PDE8A: variants seen among roughly 807,000 people sequenced by gnomAD.
The protein encoded by PDE8A is high affinity cAMP-specific and IBMX-insensitive 3',5'-cyclic phosphodiesterase 8A.
PDE8A carries 59 observed loss-of-function variants against 105.0 expected under a neutral mutation model. That is an observed-to-expected ratio of 0.56 (90% CI 0.46 to 0.70). PDE8A has a LOEUF of 0.70. Ranked by LOEUF, PDE8A falls within the 30% of genes least tolerant of loss-of-function variation. The pLI, the probability that PDE8A is intolerant of heterozygous loss-of-function variation, is 0.00. For missense variants in PDE8A, 1,014 were observed against 1,045.9 expected (o/e 0.97, Z 0.42); for synonymous variants, 355 against 371.9 (o/e 0.95, Z 0.52).
At chr15:85,021,189 A>C (rs1461593761) in intron 1 of PDE8A, among the ~76,000 whole-genome samples, 1 of 152,180 alleles carries the variant, frequency 6.6e-6, no homozygotes, top group East Asian at 1.9e-4. Flanking sequence ...GTAGGCCCTC[A>C]CCAGACACTG....
chr15:85,126,319 C>A lies in PDE8A; in HGVS notation c.2198C>A (p.Pro733His). 6.2e-7 allele frequency: 1 copy of A among 1,611,916 alleles called. No individual in the cohort carries two copies. Among genetic ancestry groups the A allele is most frequent in the Non-Finnish European group, 8.5e-7 (1 of 1,179,028 alleles). The change falls in exon 20 of 22, where the codon CCC becomes CAC. Residue 733 changes from proline (P) to histidine (H), a missense_variant. By Grantham distance (77) the Pro-to-His change is moderately conservative. Coordinates refer to ENST00000394553, the MANE Select transcript of PDE8A (RefSeq NM_002605.3). ...KCADVSNPCR[P>H]LQYCIEWAAR... Reference sequence around the variant, plus strand: ...GCTGATGTGTCCAATCCCTGCCGACCCCTGCAGTACTGCATCGAGTGGGCT... The same window carrying A: ...GCTGATGTGTCCAATCCCTGCCGACACCTGCAGTACTGCATCGAGTGGGCT...
At chr15:84,991,933 A>G (rs2079891698) in intron 1 of PDE8A, among the ~76,000 whole-genome samples, 1 of 152,184 alleles carries the variant, frequency 6.6e-6, no homozygotes, top group African/African-American at 2.4e-5. Context: ...GGATTACTTG[A>G]GGCCAGGAGT....
chr15:85,021,353 G>A (rs1309475491), intron 1 of PDE8A, among the ~76,000 whole-genome samples: 1 of 152,138 alleles, frequency 6.6e-6, no homozygotes, highest in East Asian at 1.9e-4. Context: ...ACCAGCCTAG[G>A]TGACATAATG....
chr15:85,130,134 C>T (rs930308552), intron 20 of PDE8A, among the ~76,000 whole-genome samples: 2 of 152,088 alleles, frequency 1.3e-5, no homozygotes, highest in Admixed American at 6.6e-5. Context: ...TATCACATGG[C>T]AGGAGAGCAG....
chr15:85,085,726 G>A (rs891472313), intron 6 of PDE8A, among the ~76,000 whole-genome samples: 4 of 149,622 alleles, frequency 2.7e-5, no homozygotes, highest in African/African-American at 4.9e-5. Flanking sequence ...GTAGATGATC[G>A]GCTGGGCAGG....
intron 1 of PDE8A, among the ~76,000 whole-genome samples, chr15:85,023,085 A>G (rs762814701): frequency 6.6e-6 from 1 of 152,168 alleles, no homozygotes; most frequent in African/African-American, 2.4e-5. Context: ...GGAAGGGAAC[A>G]GTACTGTTTT....
At chr15:85,037,864 G>T (rs989982618) in intron 1 of PDE8A, among the ~76,000 whole-genome samples, 1 of 152,160 alleles carries the variant, frequency 6.6e-6, no homozygotes, top group Admixed American at 6.5e-5. Flanking sequence ...AATCAGTTGT[G>T]TCATAATCTC....
At chr15:85,125,372 A>G (rs1032006133) in intron 19 of PDE8A, among the ~76,000 whole-genome samples, 1 of 152,150 alleles carries the variant, frequency 6.6e-6, no homozygotes, top group African/African-American at 2.4e-5. Context: ...CTCTGCCCCA[A>G]TACCCTCTAA....
intron 8 of PDE8A, among the ~76,000 whole-genome samples, chr15:85,095,129 C>T (rs1306278436): frequency 6.6e-6 from 1 of 152,074 alleles, no homozygotes; most frequent in Non-Finnish European, 1.5e-5. Context: ...TAGCTTGTAG[C>T]AGACAGAAGG....
intron 3 of PDE8A, among the ~76,000 whole-genome samples, chr15:85,074,967 A>G (rs2081361057): frequency 1.3e-5 from 2 of 152,092 alleles, no homozygotes. Flanking sequence ...TCCCTCTCCA[A>G]CATAAGTCGT....
chr15:84,994,210 G>T (rs1465708180), intron 1 of PDE8A, among the ~76,000 whole-genome samples: 1 of 152,130 alleles, frequency 6.6e-6, no homozygotes, highest in African/African-American at 2.4e-5. Flanking sequence ...TCTATGGTTT[G>T]CTCTTTTTTC....
At chr15:85,090,303 A>G (rs1464497777) in intron 7 of PDE8A, among the ~76,000 whole-genome samples, 1 of 152,234 alleles carries the variant, frequency 6.6e-6, no homozygotes. Context: ...TTTTGTAAGG[A>G]TGTCATGAGG....
chr15:85,108,136 T>C (rs1252296711), intron 11 of PDE8A, among the ~76,000 whole-genome samples: 1 of 152,174 alleles, frequency 6.6e-6, no homozygotes, highest in East Asian at 1.9e-4. Context: ...ATTCACTCTT[T>C]AGTGCCCACA....
rs112767737 is a variant in PDE8A at position 85,024,231 on chromosome 15, T to C, written c.187-40139T>C. 3.2e-3 allele frequency among the ~76,000 whole-genome samples: 483 copies of C among 152,282 alleles called. 3 individuals carry two copies. The highest frequency in any genetic ancestry group is 0.011 in the African/African-American group (469 of 41,554). ...ACTTAGCAGGTATCATACCATATCA[T>C]CGTCTGCTGTCCTTCCCTCCCCTAG... is the stretch of plus-strand genomic sequence containing the variant. On this transcript the variant is annotated intron_variant, in intron 1 of 21. Coordinates refer to ENST00000394553, the MANE Select transcript of PDE8A (RefSeq NM_002605.3).
chr15:85,014,307 T>C (rs1195935428), intron 1 of PDE8A, among the ~76,000 whole-genome samples: 2 of 152,168 alleles, frequency 1.3e-5, no homozygotes, highest in African/African-American at 4.8e-5. Flanking sequence ...CCACTAGTCC[T>C]GGCCACAGTC....
chr15:85,111,803 C>T (rs564150305), intron 12 of PDE8A, among the ~76,000 whole-genome samples: 11 of 152,282 alleles, frequency 7.2e-5, no homozygotes, highest in African/African-American at 2.2e-4. Flanking sequence ...GTGAGTCTTT[C>T]AAATCATGAA....
At chr15:84,982,382 A>C in intron 1 of PDE8A, 34 bp downstream of exon 1, 3 of 1,278,480 alleles carry the variant, frequency 2.3e-6, no homozygotes, top group Non-Finnish European at 3.0e-6. Context: ...GGCCGCCGCG[A>C]AACTCGGGCC....
rs369746855 is a variant in PDE8A, at chr15:85,100,890, G to C, written c.1036+692G>C. On this transcript the variant is annotated intron_variant, in intron 11 of 21. Transcript: ENST00000394553. The stretch of plus-strand genomic sequence containing the variant: ...TGTGCTCTGCTTGCCCATGTGGTCT[G>C]TAAGAGCCTCTAAGGAGAAGACTTC... Among the ~76,000 whole-genome samples the C allele has an allele frequency of 2.0e-5, 3 of 152,322 alleles. No homozygotes were observed. The East Asian group carries it at 5.8e-4, about 29-fold the overall frequency.
chr15:85,051,454 T>G (rs775492409), intron 1 of PDE8A, among the ~76,000 whole-genome samples: 5 of 152,268 alleles, frequency 3.3e-5, no homozygotes, highest in Non-Finnish European at 5.9e-5. Context: ...TTTAAAAAAT[T>G]TGTTTAAAAA....
Sources: gnomAD v4.1 joint callset for allele counts (sites outside exome capture counted in the v4.1 genomes callset) on GRCh38, gnomAD v4.1.1 for gene constraint, MANE v1.5 for transcripts, NCBI Gene and HGNC (gene_info 2026-07-23, HGNC 2026-07-21) for gene names.